The following RIC1 variants were observed in gnomAD, a reference collection of about 807,000 sequenced individuals.
The protein encoded by RIC1 is guanine nucleotide exchange factor subunit RIC1.
In RIC1, 88 loss-of-function variants were observed where a neutral mutation model predicts 169.0. The ratio of observed to expected loss-of-function variants is 0.52; its 90% CI spans 0.44 to 0.62. The LOEUF is 0.62. RIC1 is among the 20% of genes least tolerant of loss of function. The probability of loss-of-function intolerance (pLI) is 0.00; values close to 1 mark genes in which losing one functional copy is unlikely to be tolerated. For missense variants in RIC1, 1,877 were observed against 1,725.5 expected (o/e 1.09, Z -1.56); for synonymous variants, 790 against 601.5 (o/e 1.31, Z -4.59).
intron 2 of RIC1, among the ~76,000 whole-genome samples, chr9:5,663,563 A>G (rs1001077506): frequency 2.0e-5 from 3 of 152,026 alleles, no homozygotes; most frequent in Non-Finnish European, 4.4e-5. Context: ...TGAACCCTTT[A>G]TGTAACGCCC....
At chr9:5,772,522 TC>T (rs1201290319) in intron 23 of RIC1, 41 bp from the exon 24 acceptor site, 1 of 1,467,310 alleles carries the variant, frequency 6.8e-7, no homozygotes, top group Non-Finnish European at 9.2e-7. Context: ...AAATATATTT[TC>T]TCCACGAAGT....
In RIC1 at chr9:5,757,341, C is replaced by T. The variant is rs773663835; in HGVS notation, c.1882C>T (p.Leu628Phe). The change falls in exon 17 of 26, where the codon CTT becomes TTT. Residue 628 changes from leucine (L) to phenylalanine (F), a missense_variant. By Grantham distance (22) the Leu-to-Phe change is conservative (BLOSUM62 0). Around this residue, in one of 3 missense-constraint regions of RIC1, gnomAD observed 1,104 missense variants for 992.0 expected, o/e 1.11. Transcript: ENST00000414202. ...AAATACTACTGCTGGTATTCAAGTT[C>T]TTCAGGAGGTTTCCATGTCACGCTA... ...GPNTTAGIQV[L>F]QEVSMSRYIP... The T allele has an allele frequency of 6.2e-7, 1 of 1,614,008 alleles. No homozygotes were observed. Among genetic ancestry groups the T allele is most frequent in the Non-Finnish European group, 8.5e-7 (1 of 1,179,928 alleles).
At chr9:5,771,015 T>A (rs896308200) in intron 23 of RIC1, among the ~76,000 whole-genome samples, 2 of 152,188 alleles carry the variant, frequency 1.3e-5, no homozygotes, top group Non-Finnish European at 2.9e-5. Context: ...CACTATTACC[T>A]GAGCTTCTGC....
chr9:5,694,370 G>A lies in RIC1; in HGVS notation c.332+4332G>A, dbSNP rs190475660. On this transcript the variant is annotated intron_variant, in intron 3 of 25. Transcript: ENST00000414202. ...GAGGAACTTTAGCCACTTTTTCCCC[G>A]TATTTCTAATAATAAACCTTGTTCT... is the stretch of plus-strand genomic sequence containing the variant. Among the ~76,000 whole-genome samples the A allele has an allele frequency of 1.6e-4, 25 of 152,120 alleles. No homozygotes were observed. In the East Asian group the frequency reaches 1.7e-3, roughly 11 times the overall value.
At chr9:5,686,353 A>G (rs1259803089) in intron 2 of RIC1, among the ~76,000 whole-genome samples, 2 of 152,110 alleles carry the variant, frequency 1.3e-5, no homozygotes, top group Non-Finnish European at 2.9e-5. Context: ...CACTATTCAC[A>G]ATAGCAAAGA....
intron 12 of RIC1, among the ~76,000 whole-genome samples, chr9:5,751,434 C>T (rs1176524335): frequency 2.0e-5 from 3 of 151,828 alleles, no homozygotes; most frequent in Non-Finnish European, 4.4e-5. Flanking sequence ...CGGCTCACTG[C>T]AACCTCCGCC....
rs371288364 is a variant in RIC1, at chr9:5,773,911, C to G, written c.3984-47C>G. ...AGTTCACCCGTAATGTTCTACCAAA[C>G]CTTTTGAATTATGGCAGATGAGCTA... On this transcript the variant is annotated intron_variant, in intron 25 of 25. Transcript: ENST00000414202. 210 of 1,493,506 alleles carry G rather than the reference C, an allele frequency of 1.4e-4. No homozygotes were observed. In the African/African-American group the frequency reaches 2.7e-3, roughly 19 times the overall value. 92.5% of individuals were successfully genotyped at this position (1,493,506 alleles called of 1,614,324 possible). A position where few individuals can be genotyped will look rare whatever the true frequency, so the allele number is the denominator to read the frequency against.
Position 5,772,605 on chromosome 9 carries a change from A to C in RIC1, c.3658A>C (p.Ser1220Arg). Residue 1220 changes from serine (S) to arginine (R), a missense_variant, in exon 24 of 26, where the codon AGT becomes CGT. This residue lies in a region of RIC1 where 681 missense variants were observed against 582.0 expected (regional missense o/e 1.17). Coordinates refer to ENST00000414202, the MANE Select transcript of RIC1 (RefSeq NM_020829.4). Reference sequence around the variant, plus strand: ...TGGTTCAGCCACAGACTTGACTGAAAGTAGCTCCATGGTGGATGGCGACTG... The same window carrying C: ...TGGTTCAGCCACAGACTTGACTGAACGTAGCTCCATGGTGGATGGCGACTG... ...SIGSATDLTE[S>R]SSMVDGDWTM... 1 of 1,613,752 alleles carries C rather than the reference A, an allele frequency of 6.2e-7. No individual in the cohort carries two copies. Among genetic ancestry groups the C allele is most frequent in the African/African-American group, 1.3e-5 (1 of 75,046 alleles).
chr9:5,747,820 C>T (rs59085085), intron 12 of RIC1, among the ~76,000 whole-genome samples: 15,692 of 151,984 alleles, frequency 0.1, 2,687 homozygotes, highest in African/African-American at 0.35. Flanking sequence ...TTTAGCTCTA[C>T]GGATTTGCAC....
intron 2 of RIC1, among the ~76,000 whole-genome samples, chr9:5,681,354 T>A (rs1403092676): frequency 6.6e-6 from 1 of 152,222 alleles, no homozygotes; most frequent in Admixed American, 6.5e-5. Context: ...AGATTCTGGT[T>A]ATGTTGTGTC....
At chr9:5,738,957 C>G (rs972378794) in intron 8 of RIC1, among the ~76,000 whole-genome samples, 1 of 152,118 alleles carries the variant, frequency 6.6e-6, no homozygotes, top group Non-Finnish European at 1.5e-5. Flanking sequence ...CCCCTGCTAC[C>G]TCCGGATCCA....
intron 2 of RIC1, among the ~76,000 whole-genome samples, chr9:5,660,656 G>C (rs1819397478): frequency 1.3e-5 from 2 of 151,762 alleles, no homozygotes; most frequent in African/African-American, 4.8e-5. Flanking sequence ...GTCTTCTTTT[G>C]AGAAGTGTCT....
chr9:5,633,840 C>A (rs898445687), intron 1 of RIC1, among the ~76,000 whole-genome samples: 2 of 152,002 alleles, frequency 1.3e-5, no homozygotes, highest in Admixed American at 1.3e-4. Flanking sequence ...GCATTAGGTC[C>A]CCAGAACGTA....
At chr9:5,663,557 C>T (rs935229121) in intron 2 of RIC1, among the ~76,000 whole-genome samples, 3 of 151,798 alleles carry the variant, frequency 2.0e-5, no homozygotes, top group African/African-American at 4.8e-5. Context: ...TTAAATTGAA[C>T]CCTTTATGTA....
chr9:5,772,893 T>A lies in RIC1; in HGVS notation c.3796T>A (p.Tyr1266Asn). The change falls in exon 25 of 26, where the codon TAT becomes AAT. Residue 1266 changes from tyrosine to asparagine, a missense_variant and splice_region_variant. Tyr to Asn is a moderately radical substitution (Grantham distance 143). This residue lies in a region of RIC1 where 681 missense variants were observed against 582.0 expected (regional missense o/e 1.17). Transcript: ENST00000414202. ...GPHKSQVQLR[Y>N]LLHIFMEAGC... ...CATTTTGTTTCTGCTTATATTTAGG[T>A]ATTTGCTACACATTTTCATGGAGGC... The A allele has an allele frequency of 6.2e-7, 1 of 1,610,026 alleles. No individual in the cohort carries two copies. Among genetic ancestry groups the A allele is most frequent in the South Asian group, 1.1e-5 (1 of 90,230 alleles).
intron 2 of RIC1, among the ~76,000 whole-genome samples, chr9:5,678,713 T>C (rs1201167018): frequency 1.3e-5 from 2 of 152,256 alleles, no homozygotes; most frequent in Non-Finnish European, 2.9e-5. Context: ...CTTGTAAATT[T>C]GTTTGAGTTC....
At chr9:5,690,546 C>A (rs575488783) in intron 3 of RIC1, among the ~76,000 whole-genome samples, 1 of 147,948 alleles carries the variant, frequency 6.8e-6, no homozygotes, top group Non-Finnish European at 1.5e-5. Context: ...AAAGAACATA[C>A]AATTGTAAAG....
Position 5,770,132 on chromosome 9 carries a change from A to T in RIC1, c.3470A>T (p.Asn1157Ile). The T allele has an allele frequency of 6.2e-7, 1 of 1,613,416 alleles. No individual in the cohort carries two copies. Among genetic ancestry groups the T allele is most frequent in the Non-Finnish European group, 8.5e-7 (1 of 1,179,714 alleles). The change falls in exon 23 of 26, where the codon AAC becomes ATC. Residue 1157 changes from asparagine (N) to isoleucine (I), a missense_variant. Physicochemically the swap from Asn to Ile is moderately radical, Grantham distance 149 (BLOSUM62 -3). Transcript: ENST00000414202. ...LKSQSADPFL[N>I]LEMDAGISNI... The stretch of plus-strand genomic sequence containing the variant: ...TCTCAATCAGCTGACCCATTTTTGA[A>T]CCTTGAGATGGATGCTGGCATCTCC...
intron 2 of RIC1, among the ~76,000 whole-genome samples, chr9:5,658,568 G>T (rs1192010764): frequency 3.3e-5 from 5 of 151,980 alleles, no homozygotes; most frequent in African/African-American, 9.7e-5. Flanking sequence ...AATTCTCAAA[G>T]GAGTTGAGAA....
Sources: allele counts gnomAD v4.1 joint callset (sites outside exome capture counted in the v4.1 genomes callset), GRCh38; gene constraint gnomAD v4.1.1; regional missense constraint gnomAD v4.1.1; transcripts MANE v1.5; gene names NCBI Gene and HGNC (gene_info 2026-07-23, HGNC 2026-07-21).